PRKCQ: variants seen among roughly 807,000 people sequenced by gnomAD.
PRKCQ encodes protein kinase C theta type.
PRKCQ carries 41 observed loss-of-function variants against 91.2 expected under a neutral mutation model. That is an observed-to-expected ratio of 0.45 (90% confidence interval 0.35 to 0.58). The LOEUF is 0.58. PRKCQ is among the 20% of genes least tolerant of loss of function. PRKCQ has a pLI of 0.00. For missense variants in PRKCQ, 673 were observed against 896.5 expected (o/e 0.75, Z 3.18); for synonymous variants, 307 against 316.9 (o/e 0.97, Z 0.33).
In PRKCQ at chr10:6,428,089, G is replaced by T; in HGVS notation, c.*118C>A. 7.5e-7 allele frequency: 1 copy of T among 1,335,482 alleles called. No individual in the cohort carries two copies. Among genetic ancestry groups the T allele is most frequent in the Non-Finnish European group, 1.0e-6 (1 of 954,198 alleles). The allele number at this position is 1,335,482 out of a possible 1,614,324, so 82.7% of individuals were successfully genotyped here. A position where few individuals can be genotyped will look rare whatever the true frequency, so the allele number is the denominator to read the frequency against. ...GTCACATGGGGGCGAACGGGTCTCA[G>T]TCTTTATTGTTGAGTGTTTCTTTCT... On this transcript the variant is annotated 3_prime_UTR_variant, in exon 18 of 18. Transcript: ENST00000263125.
the PRKCQ span, among the ~76,000 whole-genome samples, chr10:6,415,448 A>ATATATATATATATATATATATG: frequency 9.7e-6 from 1 of 103,144 alleles, no homozygotes; most frequent in Non-Finnish European, 2.1e-5. Flanking sequence ...ATATATATAT[A>ATATATATATATATATATATATG]TATATATACA....
chr10:6,462,412 G>T (rs182583469), intron 13 of PRKCQ, 47 bp from the exon 14 acceptor site: 1 of 1,583,338 alleles, frequency 6.3e-7, no homozygotes, highest in Non-Finnish European at 8.7e-7. Context: ...GTCATGGAAC[G>T]AAATAAAATC....
intron 5 of PRKCQ, 83 bp downstream of exon 5, chr10:6,498,313 T>G: frequency 6.6e-7 from 1 of 1,513,634 alleles, no homozygotes; most frequent in South Asian, 1.2e-5. Flanking sequence ...CCCCCCACAG[T>G]GGAGCATGCC....
chr10:6,512,980 T>G (rs1838558037), intron 2 of PRKCQ, among the ~76,000 whole-genome samples: 1 of 152,166 alleles, frequency 6.6e-6, no homozygotes, highest in South Asian at 2.1e-4. Flanking sequence ...CCCTTTCCGA[T>G]ACTTCCTTTT....
intron 1 of PRKCQ, among the ~76,000 whole-genome samples, chr10:6,557,030 A>G (rs1158464730): frequency 6.6e-6 from 1 of 151,758 alleles, no homozygotes; most frequent in African/African-American, 2.4e-5. Context: ...CTTTTCTTTA[A>G]CCCCTTGCCA....
At chr10:6,460,631 AC>A (rs1302151657) in intron 14 of PRKCQ, among the ~76,000 whole-genome samples, 2 of 152,180 alleles carry the variant, frequency 1.3e-5, no homozygotes, top group Non-Finnish European at 2.9e-5. Flanking sequence ...AGCTGGGATT[AC>A]AGGCAAGGGC....
At chr10:6,467,608 C>T (rs143268863) in intron 12 of PRKCQ, among the ~76,000 whole-genome samples, 19 of 152,170 alleles carry the variant, frequency 1.2e-4, no homozygotes, top group African/African-American at 3.1e-4. Context: ...ACATGCCAAA[C>T]GCGTCCCAGT....
At chr10:6,459,792 C>T (rs375014061) in intron 14 of PRKCQ, among the ~76,000 whole-genome samples, 271 of 152,294 alleles carry the variant, frequency 1.8e-3, no homozygotes, top group African/African-American at 6.3e-3. Flanking sequence ...CATGGCCCTG[C>T]CCACATCTTG....
At chr10:6,528,870 G>T (rs1280883357) in intron 1 of PRKCQ, among the ~76,000 whole-genome samples, 1 of 152,216 alleles carries the variant, frequency 6.6e-6, no homozygotes, top group Non-Finnish European at 1.5e-5. Context: ...GTAGGGACAG[G>T]CTTTCCTGGC....
chr10:6,576,248 T>C lies in PRKCQ; in HGVS notation c.-10+3963A>G, dbSNP rs1841232859. ...TTGAAAGCAGGACCTCAAACAGATATCTGCGTGTTCCTCTTCACGGCAGCA... is the reference window on the plus strand; with the variant it reads ...TTGAAAGCAGGACCTCAAACAGATACCTGCGTGTTCCTCTTCACGGCAGCA... On this transcript the variant is annotated intron_variant, in intron 1 of 17. Transcript: ENST00000263125. The surrounding 1 kb of genome is among the most constrained non-coding windows in gnomAD (Gnocchi z 4.2). Among the ~76,000 whole-genome samples the C allele has an allele frequency of 6.6e-6, 1 of 152,178 alleles. No homozygotes were observed. The highest frequency in any genetic ancestry group is 6.5e-5 in the Admixed American group (1 of 15,286).
At chr10:6,397,286 G>A in the PRKCQ span, among the ~76,000 whole-genome samples, 3 of 152,206 alleles carry the variant, frequency 2.0e-5, no homozygotes, top group Admixed American at 2.0e-4. Flanking sequence ...AGTAGAGACG[G>A]GGTTTCACCT....
intron 1 of PRKCQ, among the ~76,000 whole-genome samples, chr10:6,571,632 CCT>C (rs1201903343): frequency 3.9e-5 from 6 of 152,206 alleles, no homozygotes; most frequent in African/African-American, 1.4e-4. Context: ...ATGGTGAAAC[CCT>C]GTCTCTACTA....
At chr10:6,449,741 G>A (rs1834544487) in intron 15 of PRKCQ, among the ~76,000 whole-genome samples, 1 of 152,194 alleles carries the variant, frequency 6.6e-6, no homozygotes, top group Admixed American at 6.5e-5. Flanking sequence ...TCTCTCGGCA[G>A]AAACTCTACA....
rs11259281 is a variant in PRKCQ at position 6,505,474 on chromosome 10, C to T, written c.379+1962G>A. Among the ~76,000 whole-genome samples the T allele has an allele frequency of 1.1e-3, 107 of 98,184 alleles. 1 individual carries two copies. The highest frequency in any genetic ancestry group is 4.1e-3 in the East Asian group (12 of 2,916). The allele number at this position is 98,184 out of a possible 152,430, so 64.4% of individuals were successfully genotyped here. A position where few individuals can be genotyped will look rare whatever the true frequency, so the allele number is the denominator to read the frequency against. On this transcript the variant is annotated intron_variant, in intron 4 of 17. Coordinates refer to ENST00000263125, the MANE Select transcript of PRKCQ (RefSeq NM_006257.5). ...TTTCTTTTGAAGGACCCTTTTTCTC[C>T]TTCCTTCCTTCCTTCCCTCCCTCCC...
At position 6,442,087 on chromosome 10, in the gene PRKCQ, C is replaced by G; in HGVS notation, c.1648-6G>C. On this transcript the variant is annotated splice_region_variant and splice_polypyrimidine_tract_variant and intron_variant, in intron 15 of 17. Coordinates refer to ENST00000263125, the MANE Select transcript of PRKCQ (RefSeq NM_006257.5). ...TATTTCTGACCCAGCAAGATCTGCACAACCAAAAGGCAGACAGGAAATTAA... is the reference window on the plus strand; with the variant it reads ...TATTTCTGACCCAGCAAGATCTGCAGAACCAAAAGGCAGACAGGAAATTAA... The G allele has an allele frequency of 6.2e-7, 1 of 1,608,136 alleles. No homozygotes were observed. The highest frequency in any genetic ancestry group is 8.5e-7 in the Non-Finnish European group (1 of 1,175,172).
chr10:6,447,126 C>T (rs547019300), intron 15 of PRKCQ, among the ~76,000 whole-genome samples: 2 of 151,870 alleles, frequency 1.3e-5, no homozygotes, highest in Non-Finnish European at 2.9e-5. Context: ...ATGATGTTTC[C>T]GGCTGGGCGC....
chr10:6,578,729 T>C (rs752535006), intron 1 of PRKCQ, among the ~76,000 whole-genome samples: 1 of 152,242 alleles, frequency 6.6e-6, no homozygotes. Context: ...CAGCTGTGCA[T>C]AAACTTCAAA....
At chr10:6,577,906 C>T (rs1435096456) in intron 1 of PRKCQ, among the ~76,000 whole-genome samples, 2 of 152,166 alleles carry the variant, frequency 1.3e-5, no homozygotes, top group Non-Finnish European at 2.9e-5. Context: ...CATACTTGTA[C>T]CACAAGCCCA....
rs1046760177 is a variant in PRKCQ, at chr10:6,498,681, G to C, written c.380-123C>G. The C allele has an allele frequency of 5.7e-6, 5 of 872,072 alleles. No homozygotes were observed. In the African/African-American group the frequency reaches 6.8e-5, roughly 12 times the overall value. 54.0% of individuals were successfully genotyped at this position (872,072 alleles called of 1,614,324 possible). On this transcript the variant is annotated intron_variant, in intron 4 of 17. Coordinates refer to ENST00000263125, the MANE Select transcript of PRKCQ (RefSeq NM_006257.5). ...GGAGGACCAGCTCTGAGTACCTGCT[G>C]TAACATTCCAGGTACTCATTATGGT...
Sources: gnomAD v4.1 joint callset for allele counts (sites outside exome capture counted in the v4.1 genomes callset) on GRCh38, gnomAD v4.1.1 for gene constraint, Gnocchi (gnomAD v3.1) non-coding constraint, MANE v1.5 for transcripts, NCBI Gene and HGNC (gene_info 2026-07-23, HGNC 2026-07-21) for gene names.